Variants in AUTS2 observed in about 807,000 individuals in gnomAD.
AUTS2 encodes autism susceptibility gene 2 protein.
AUTS2 carries 17 observed loss-of-function variants against 112.4 expected under a neutral mutation model. The ratio of observed to expected loss-of-function variants is 0.15; its 90% CI spans 0.10 to 0.23. AUTS2 has a LOEUF of 0.23. AUTS2 is among the 10% of genes least tolerant of loss of function. The probability of loss-of-function intolerance (pLI) is 1.00; values close to 1 mark genes in which losing one functional copy is unlikely to be tolerated. For missense variants in AUTS2, 1,510 were observed against 1,701.6 expected (o/e 0.89, Z 1.98); for synonymous variants, 751 against 702.7 (o/e 1.07, Z -1.09).
intron 4 of AUTS2, among the ~76,000 whole-genome samples, chr7:70,320,241 G>A (rs1419934594): frequency 6.6e-6 from 1 of 152,138 alleles, no homozygotes; most frequent in Non-Finnish European, 1.5e-5. Context: ...GGAAGCTACT[G>A]GTACTGAAAA....
chr7:69,898,733 A>G (rs984160955), intron 1 of AUTS2, among the ~76,000 whole-genome samples: 1 of 152,192 alleles, frequency 6.6e-6, no homozygotes, highest in Non-Finnish European at 1.5e-5. Flanking sequence ...TGCAAAGAAA[A>G]TGGAAATAAA....
chr7:69,814,745 C>T (rs544634717), intron 1 of AUTS2, among the ~76,000 whole-genome samples: 3 of 152,324 alleles, frequency 2.0e-5, no homozygotes, highest in Admixed American at 1.3e-4. Flanking sequence ...GTGTGCCCAG[C>T]GGTATGGGCG....
At chr7:70,369,416 A>G (rs1585066977) in intron 4 of AUTS2, among the ~76,000 whole-genome samples, 1 of 152,132 alleles carries the variant, frequency 6.6e-6, no homozygotes, top group Non-Finnish European at 1.5e-5. Flanking sequence ...CCTAATTGCT[A>G]TAATTTTTGG....
intron 4 of AUTS2, among the ~76,000 whole-genome samples, chr7:70,381,062 A>G (rs1278736554): frequency 6.6e-6 from 1 of 152,228 alleles, no homozygotes; most frequent in East Asian, 1.9e-4. Context: ...GATACCGTAT[A>G]AATAATATTT....
intron 4 of AUTS2, among the ~76,000 whole-genome samples, chr7:70,341,427 G>A (rs971067806): frequency 1.3e-5 from 2 of 152,198 alleles, no homozygotes; most frequent in Non-Finnish European, 2.9e-5. Context: ...GGGCGGAGCC[G>A]CTGTGAACAA....
At chr7:70,421,409 C>G (rs1287211956) in intron 4 of AUTS2, among the ~76,000 whole-genome samples, 1 of 151,360 alleles carries the variant, frequency 6.6e-6, no homozygotes, top group Admixed American at 6.6e-5. Context: ...TGTTTGTTTT[C>G]CTTGCATTTT....
rs756708435 is a variant in AUTS2, at chr7:70,781,364, CA to C, written c.2005-231del. On this transcript the variant is annotated intron_variant, in intron 14 of 18. Transcript: ENST00000342771. Reference sequence around the variant, plus strand: ...AAGCAGAGTGAGGGAGACTCCGTCACAAAAAAAAAAAAAAAAAAAACCAGAC... The same window carrying C: ...AAGCAGAGTGAGGGAGACTCCGTCACAAAAAAAAAAAAAAAAAAACCAGAC... 6,125 of 123,124 alleles carry C rather than the reference CA, an allele frequency of 0.05. 13 individuals are homozygous for C. The highest frequency in any genetic ancestry group is 0.078 in the Middle Eastern group (26 of 334). 7.6% of individuals were successfully genotyped at this position (123,124 alleles called of 1,614,324 possible).
intron 1 of AUTS2, among the ~76,000 whole-genome samples, chr7:69,706,672 A>G (rs1798072863): frequency 6.6e-6 from 1 of 152,192 alleles, no homozygotes; most frequent in African/African-American, 2.4e-5. Flanking sequence ...ACTTCTCTCC[A>G]GTTCTCAGTT....
At chr7:70,581,838 T>C (rs1160208409) in intron 5 of AUTS2, among the ~76,000 whole-genome samples, 3 of 152,206 alleles carry the variant, frequency 2.0e-5, no homozygotes, top group South Asian at 4.1e-4. Flanking sequence ...TGTTTCTAAA[T>C]TCCTTTACAT....
At position 70,553,416 on chromosome 7, in the gene AUTS2, C is replaced by G. The variant is rs183052986; in HGVS notation, c.690+117635C>G. On this transcript the variant is annotated intron_variant, in intron 5 of 18. Coordinates refer to ENST00000342771, the MANE Select transcript of AUTS2 (RefSeq NM_015570.4). The stretch of plus-strand genomic sequence containing the variant: ...ACTTGGGCACCTGGAAGGACAAAGA[C>G]AGGCAGTGGAGGCATCATGGGGTTG... Among the ~76,000 whole-genome samples, 295 of 152,296 alleles carry G rather than the reference C, an allele frequency of 1.9e-3. 1 individual carries two copies. The highest frequency in any genetic ancestry group is 6.7e-3 in the African/African-American group (280 of 41,572).
At chr7:70,744,638 T>A (rs941955421) in intron 6 of AUTS2, among the ~76,000 whole-genome samples, 1 of 152,210 alleles carries the variant, frequency 6.6e-6, no homozygotes, top group African/African-American at 2.4e-5. Flanking sequence ...GTCAGACCGA[T>A]GAGCGAGGCT....
chr7:69,635,662 A>G (rs761261887), intron 1 of AUTS2, among the ~76,000 whole-genome samples: 1 of 152,236 alleles, frequency 6.6e-6, no homozygotes, highest in Admixed American at 6.5e-5. Flanking sequence ...AGAGGAACAC[A>G]TCATTTTCTC....
intron 2 of AUTS2, among the ~76,000 whole-genome samples, chr7:70,034,185 CCT>C (rs1800901580): frequency 6.6e-6 from 1 of 152,086 alleles, no homozygotes. Flanking sequence ...TACCTGGTGT[CCT>C]CTGAAAAATC....
Position 70,763,211 on chromosome 7 carries a change from C to T in AUTS2, c.1084C>T (p.Pro362Ser), listed in dbSNP as rs754142296. Reference protein sequence around the residue: ...PAPQPQVQRPPRPQSPTQLLH... With the variant: ...PAPQPQVQRPSRPQSPTQLLH... ...CCCGCAGCCTCAGGTGCAGAGGCCA[C>T]CCAGGCCACAGTCCCCCACCCAGCT... Residue 362 changes from proline to serine, a missense_variant, in exon 7 of 19, where the codon CCC (proline) becomes TCC (serine). This residue lies in a region of AUTS2 where 535 missense variants were observed against 594.3 expected (regional missense o/e 0.90). Transcript: ENST00000342771. 83 of 1,613,974 alleles carry T rather than the reference C, an allele frequency of 5.1e-5. No homozygotes were observed. Among genetic ancestry groups the T allele is most frequent in the Non-Finnish European group, 6.4e-5 (75 of 1,180,016 alleles).
intron 1 of AUTS2, among the ~76,000 whole-genome samples, chr7:69,793,042 T>C (rs901454021): frequency 2.0e-5 from 3 of 152,164 alleles, no homozygotes; most frequent in African/African-American, 4.8e-5. Context: ...TCAGTATATC[T>C]TTCACAAAAA....
At position 69,975,137 on chromosome 7, in the gene AUTS2, GTCTTTTTCTTTCTTTCTTT is replaced by G. The variant is rs1176296591; in HGVS notation, c.522+75652_522+75670del. Reference sequence around the variant, plus strand: ...AGAATTTTGGTTGACAGTTTCTTTTGTCTTTTTCTTTCTTTCTTTTCTTTTTCTTTCAAGCCATTGAAAA... The same window carrying G: ...AGAATTTTGGTTGACAGTTTCTTTTGTCTTTTTCTTTCAAGCCATTGAAAA... On this transcript the variant is annotated intron_variant, in intron 2 of 18. Coordinates refer to ENST00000342771, the MANE Select transcript of AUTS2 (RefSeq NM_015570.4). Among the ~76,000 whole-genome samples, 11 of 152,012 alleles carry G rather than the reference GTCTTTTTCTTTCTTTCTTT, an allele frequency of 7.2e-5. No individual in the cohort carries two copies. The South Asian group carries it at 2.3e-3, about 32-fold the overall frequency.
intron 1 of AUTS2, among the ~76,000 whole-genome samples, chr7:69,771,113 C>T (rs1291469996): frequency 6.6e-6 from 1 of 152,106 alleles, no homozygotes; most frequent in Non-Finnish European, 1.5e-5. Flanking sequence ...CCTGTTATTC[C>T]CCTGGCCACT....
intron 1 of AUTS2, among the ~76,000 whole-genome samples, chr7:69,817,179 C>G (rs560987555): frequency 6.6e-6 from 1 of 152,316 alleles, no homozygotes; most frequent in African/African-American, 2.4e-5. Context: ...TGTTCTGATG[C>G]AAATATGAAA....
chr7:69,644,151 G>A (rs1794918418), intron 1 of AUTS2, among the ~76,000 whole-genome samples: 2 of 152,162 alleles, frequency 1.3e-5, no homozygotes, highest in South Asian at 4.2e-4. Context: ...ATGGTGGCCT[G>A]AGCTAAGACA....
Sources: allele counts gnomAD v4.1 joint callset (sites outside exome capture counted in the v4.1 genomes callset), GRCh38; gene constraint gnomAD v4.1.1; regional missense constraint gnomAD v4.1.1; transcripts MANE v1.5; gene names NCBI Gene and HGNC (gene_info 2026-07-23, HGNC 2026-07-21).